POLA1: variants seen among roughly 807,000 people sequenced by gnomAD.
POLA1 encodes the protein DNA polymerase alpha 1, catalytic subunit, also known as DNA polymerase alpha catalytic subunit.
Under a neutral mutation model 124.0 loss-of-function variants are expected in POLA1, and 15 were observed. The ratio of observed to expected loss-of-function variants is 0.12; its 90% confidence interval spans 0.08 to 0.19. The LOEUF is 0.19. Among genes scored for constraint, POLA1 ranks in the 10% least tolerant of loss-of-function variants. The probability of loss-of-function intolerance (pLI) is 1.00; values close to 1 mark genes in which losing one functional copy is unlikely to be tolerated. For synonymous variants in POLA1, 408 were observed against 389.4 expected, an observed-to-expected ratio of 1.05 and a Z score of -0.56; for missense variants, 886 against 1,103.4, an observed-to-expected ratio of 0.80 and a Z score of 2.79.
At chrX:24,824,211 T>A (rs2046136024) in intron 31 of POLA1, among the ~76,000 whole-genome samples, 1 of 111,711 alleles carries the variant, frequency 9.0e-6, no homozygotes, top group Non-Finnish European at 1.9e-5. Context: ...CTTAATCTGT[T>A]CTTAAAGATG....
chrX:24,797,790 G>A, intron 26 of POLA1, among the ~76,000 whole-genome samples: 1 of 110,741 alleles, frequency 9.0e-6, no homozygotes, highest in African/African-American at 3.3e-5. Flanking sequence ...ACTTACACCT[G>A]TAATCCCAGC....
At chrX:24,773,888 C>A (rs1180727371) in intron 26 of POLA1, among the ~76,000 whole-genome samples, 1 of 111,532 alleles carries the variant, frequency 9.0e-6, no homozygotes, top group Admixed American at 9.5e-5. Flanking sequence ...CTGTGTAGCT[C>A]CAGAAGGTAG....
chrX:24,951,343 A>ACCACCCCCCCCCCC (rs2048040056), intron 36 of POLA1, among the ~76,000 whole-genome samples: 1 of 40,937 alleles, frequency 2.4e-5, no homozygotes, highest in African/African-American at 7.5e-5. Flanking sequence ...ACACCTCCCT[A>ACCACCCCCCCCCCC]CCCCCCCCCC....
intron 26 of POLA1, among the ~76,000 whole-genome samples, chrX:24,767,058 A>T (rs2148432407): frequency 8.9e-6 from 1 of 111,826 alleles, no homozygotes; most frequent in African/African-American, 3.2e-5. Flanking sequence ...CTGAATTCAC[A>T]TGTAGAGAGG....
intron 36 of POLA1, among the ~76,000 whole-genome samples, chrX:24,950,715 C>T (rs1030152991): frequency 8.9e-6 from 1 of 111,914 alleles, no homozygotes; most frequent in Non-Finnish European, 1.9e-5. Flanking sequence ...TATATTATCT[C>T]CCAAGATTCC....
chrX:24,914,408 A>G (rs1334610577), intron 35 of POLA1, among the ~76,000 whole-genome samples: 1 of 110,812 alleles, frequency 9.0e-6, no homozygotes, highest in Non-Finnish European at 1.9e-5. Context: ...CCCCTGCTAA[A>G]CTTTTTGGCC....
chrX:24,826,587 T>A lies in POLA1; in HGVS notation c.3722T>A (p.Ile1241Asn). The A allele has an allele frequency of 8.4e-7, 1 of 1,196,943 alleles. No individual in the cohort carries two copies. The highest frequency in any genetic ancestry group is 1.1e-6 in the Non-Finnish European group (1 of 886,541). ...ATAGACGGAATTGATGCTGTCCTCATTGCAACGTGGTTGGGTAAGTGTCCC... is the reference window on the plus strand; with the variant it reads ...ATAGACGGAATTGATGCTGTCCTCAATGCAACGTGGTTGGGTAAGTGTCCC... The part of the protein sequence containing the change: ...EPIDGIDAVL[I>N]ATWLGLDPTQ... The change falls in exon 32 of 37, where the codon ATT (isoleucine) becomes AAT (asparagine). Residue 1241 changes from isoleucine to asparagine, a missense_variant. Ile to Asn is a moderately radical substitution (Grantham distance 149). Transcript: ENST00000379068.
chrX:24,898,975 T>C (rs1221250623), intron 35 of POLA1, among the ~76,000 whole-genome samples: 1 of 111,400 alleles, frequency 9.0e-6, no homozygotes, highest in Non-Finnish European at 1.9e-5. Flanking sequence ...AAAACTGCCC[T>C]GAAGGACAAT....
intron 30 of POLA1, among the ~76,000 whole-genome samples, chrX:24,820,977 C>T (rs901146374): frequency 1.8e-5 from 2 of 112,009 alleles, no homozygotes; most frequent in Non-Finnish European, 1.9e-5. Context: ...CAAATTCATT[C>T]TACCTCTGTA....
intron 32 of POLA1, among the ~76,000 whole-genome samples, chrX:24,833,003 T>A (rs1037562799): frequency 3.6e-5 from 4 of 111,167 alleles, no homozygotes; most frequent in Non-Finnish European, 7.5e-5. Context: ...GAGATTTTGG[T>A]GCACCCAAAG....
chrX:24,696,721 A>C (rs1251427255), intron 1 of POLA1, among the ~76,000 whole-genome samples: 1 of 110,848 alleles, frequency 9.0e-6, no homozygotes, highest in African/African-American at 3.3e-5. Context: ...ATAACAAGAC[A>C]CCTGTCTGCT....
At position 24,860,755 on chromosome X, in the gene POLA1, C is replaced by G. The variant is rs189845279; in HGVS notation, c.4047+17078C>G. On this transcript the variant is annotated intron_variant, in intron 34 of 36. Coordinates refer to ENST00000379068, the MANE Select transcript of POLA1 (RefSeq NM_001330360.2). ...TACTTTTGTGTTACTTTCCTTTTGT[C>G]TTTAACAGATAGAGTGAAATATAAT... is the stretch of plus-strand genomic sequence containing the variant. Among the ~76,000 whole-genome samples the G allele has an allele frequency of 5.3e-5, 6 of 112,337 alleles. No individual in the cohort carries two copies. The East Asian group carries it at 1.7e-3, about 32-fold the overall frequency.
intron 26 of POLA1, among the ~76,000 whole-genome samples, chrX:24,769,098 C>T (rs184210262): frequency 3.0e-4 from 33 of 111,628 alleles, no homozygotes; most frequent in Non-Finnish European, 5.8e-4. Context: ...TAGATTTCAC[C>T]GAATTTGGAG....
intron 34 of POLA1, among the ~76,000 whole-genome samples, chrX:24,844,052 A>G (rs2046443384): frequency 9.1e-6 from 1 of 110,189 alleles, no homozygotes; most frequent in Non-Finnish European, 1.9e-5. Flanking sequence ...ATTGTCAGCA[A>G]GTAGAGCCAT....
rs751524744 is a variant in POLA1, at chrX:24,732,409, T to C, written c.1726T>C (p.Leu576=). 1.3e-5 allele frequency: 16 copies of C among 1,203,000 alleles called. No homozygotes were observed. In the South Asian group the frequency reaches 2.5e-4, roughly 19 times the overall value. The change falls in exon 16 of 37, where the codon TTG becomes CTG. Residue 576 remains leucine (L), a synonymous_variant. Coordinates refer to ENST00000379068, the MANE Select transcript of POLA1 (RefSeq NM_001330360.2). ...MAALVHHSFA[L]DKAAPKPPFQ... The stretch of plus-strand genomic sequence containing the variant: ...AGCTTTGGTCCATCACAGTTTTGCA[T>C]TGGATAAAGCAGCCCCAAAGCCTCC...
In POLA1 at chrX:24,803,930, T is replaced by TAAAAAAAAAAA. The variant is rs34721601; in HGVS notation, c.2965-5947_2965-5937dup. On this transcript the variant is annotated intron_variant, in intron 26 of 36. Coordinates refer to ENST00000379068, the MANE Select transcript of POLA1 (RefSeq NM_001330360.2). ...GTGCTCTGATTTCAGACCCTAGACT[T>TAAAAAAAAAAA]AAAAAAAAAAAAAAAAAAAAAAAAA... 6.5e-4 allele frequency among the ~76,000 whole-genome samples: 9 copies of TAAAAAAAAAAA among 13,843 alleles called. 1 individual carries two copies. Among genetic ancestry groups the TAAAAAAAAAAA allele is most frequent in the African/African-American group, 2.1e-3 (7 of 3,386 alleles). The allele number at this position is 13,843 out of a possible 115,157, so 12.0% of individuals were successfully genotyped here. A position where few individuals can be genotyped will look rare whatever the true frequency, so the allele number is the denominator to read the frequency against.
At chrX:24,798,419 C>T (rs1036308020) in intron 26 of POLA1, among the ~76,000 whole-genome samples, 39 of 111,207 alleles carry the variant, frequency 3.5e-4, no homozygotes, top group Non-Finnish European at 1.1e-4. Context: ...CAGCCCTACT[C>T]AACATGAAGA....
At chrX:24,857,979 A>G (rs1467419661) in intron 34 of POLA1, among the ~76,000 whole-genome samples, 1 of 112,012 alleles carries the variant, frequency 8.9e-6, no homozygotes, top group Admixed American at 9.5e-5. Flanking sequence ...CATGTGCTAT[A>G]TATGAGAATA....
In POLA1 at chrX:24,994,037, G is replaced by A. The variant is rs147319337; in HGVS notation, c.4262-1768G>A. Among the ~76,000 whole-genome samples, 1,033 of 111,972 alleles carry A rather than the reference G, an allele frequency of 9.2e-3. 12 individuals carry two copies. The highest frequency in any genetic ancestry group is 0.031 in the African/African-American group (960 of 30,766). ...TTTTCCTCCCCTGCTCCGTATTACCGCAGCTCTTTAAATGTGCTCTCCCCA... is the reference window on the plus strand; with the variant it reads ...TTTTCCTCCCCTGCTCCGTATTACCACAGCTCTTTAAATGTGCTCTCCCCA... On this transcript the variant is annotated intron_variant, in intron 36 of 36. Coordinates refer to ENST00000379068, the MANE Select transcript of POLA1 (RefSeq NM_001330360.2).
Sources: allele counts gnomAD v4.1 joint callset (sites outside exome capture counted in the v4.1 genomes callset), GRCh38; gene constraint gnomAD v4.1.1; transcripts MANE v1.5; gene names NCBI Gene and HGNC (gene_info 2026-07-23, HGNC 2026-07-21).